The following B3GALT1 variants were observed in gnomAD, a reference collection of about 807,000 sequenced individuals.
B3GALT1 encodes the protein UDP-Gal:betaGlcNAc beta 1,3-galactosyltransferase, polypeptide 1.
A neutral mutation model predicts 23.2 loss-of-function variants in B3GALT1; 10 were observed. That is an observed-to-expected ratio of 0.43 (90% CI 0.27 to 0.73). The LOEUF (loss-of-function observed/expected upper bound fraction) is 0.73, where lower values mean the gene tolerates loss of function less well. Among genes scored for constraint, B3GALT1 ranks in the 30% least tolerant of loss-of-function variants. B3GALT1 has a pLI of 0.21. For missense variants in B3GALT1, 299 were observed against 405.4 expected, an observed-to-expected ratio of 0.74 and a Z score of 2.25; for synonymous variants, 156 against 141.5, an observed-to-expected ratio of 1.10 and a Z score of -0.73.
chr2:167,442,405 T>G (rs954478647), intron 1 of B3GALT1, among the ~76,000 whole-genome samples: 74 of 152,252 alleles, frequency 4.9e-4, no homozygotes, highest in South Asian at 1.2e-3. Flanking sequence ...GTAATGGGAT[T>G]GCTGGGTCAA....
intron 2 of B3GALT1, among the ~76,000 whole-genome samples, chr2:167,564,668 C>T (rs1684117504): frequency 6.6e-6 from 1 of 152,156 alleles, no homozygotes; most frequent in Non-Finnish European, 1.5e-5. Flanking sequence ...GGAGACCAGC[C>T]CGGCCAACAC....
At chr2:167,552,408 G>A (rs886397175) in intron 2 of B3GALT1, among the ~76,000 whole-genome samples, 1 of 152,024 alleles carries the variant, frequency 6.6e-6, no homozygotes, top group African/African-American at 2.4e-5. Flanking sequence ...ATAAACGCAA[G>A]TATTTATTTA....
At chr2:167,504,454 T>C (rs1175828365) in intron 2 of B3GALT1, among the ~76,000 whole-genome samples, 1 of 152,182 alleles carries the variant, frequency 6.6e-6, no homozygotes, top group Non-Finnish European at 1.5e-5. Flanking sequence ...ATCTGTTTTG[T>C]GATTGGGTTG....
chr2:167,522,092 ATATGGCC>A, intron 2 of B3GALT1, among the ~76,000 whole-genome samples: 1 of 150,710 alleles, frequency 6.6e-6, no homozygotes, highest in African/African-American at 2.4e-5. Context: ...GGAATTACTG[ATATGGCC>A]ATTAGACCAC....
At chr2:167,661,207 C>T (rs758557218) in intron 3 of B3GALT1, among the ~76,000 whole-genome samples, 1 of 151,986 alleles carries the variant, frequency 6.6e-6, no homozygotes, top group Non-Finnish European at 1.5e-5. Flanking sequence ...CCCTCTTATC[C>T]CTCAATTACA....
At chr2:167,814,126 A>T (rs1688944253) in intron 3 of B3GALT1, among the ~76,000 whole-genome samples, 1 of 152,210 alleles carries the variant, frequency 6.6e-6, no homozygotes, top group Non-Finnish European at 1.5e-5. Context: ...TTCAGTAATC[A>T]TTTCAGCTGG....
intron 4 of B3GALT1, among the ~76,000 whole-genome samples, chr2:167,863,985 T>C (rs942889900): frequency 7.2e-6 from 1 of 138,248 alleles, no homozygotes; most frequent in African/African-American, 2.8e-5. Flanking sequence ...TGCATGCATG[T>C]ATGTATGTGT....
chr2:167,678,106 A>G (rs1686460291), intron 3 of B3GALT1, among the ~76,000 whole-genome samples: 1 of 152,180 alleles, frequency 6.6e-6, no homozygotes. Context: ...CCAATCACCC[A>G]GGTAAATACC....
intron 1 of B3GALT1, among the ~76,000 whole-genome samples, chr2:167,329,701 T>C (rs546224889): frequency 6.6e-6 from 1 of 152,346 alleles, no homozygotes. Flanking sequence ...GCTGGTCTAG[T>C]AGGGATTAAT....
chr2:167,343,225 A>G (rs779213458), intron 1 of B3GALT1, among the ~76,000 whole-genome samples: 7 of 152,280 alleles, frequency 4.6e-5, no homozygotes, highest in Admixed American at 2.0e-4. Flanking sequence ...ATGACATTAG[A>G]TAAGTTGGGG....
chr2:167,296,354 C>G (rs765429967), intron 1 of B3GALT1, among the ~76,000 whole-genome samples: 1 of 152,112 alleles, frequency 6.6e-6, no homozygotes, highest in African/African-American at 2.4e-5. Flanking sequence ...AGGTTTATAG[C>G]GATTTGTTTT....
chr2:167,827,479 C>T (rs958055907), intron 4 of B3GALT1, among the ~76,000 whole-genome samples: 1 of 152,172 alleles, frequency 6.6e-6, no homozygotes, highest in Non-Finnish European at 1.5e-5. Context: ...AGACTGGCAC[C>T]TAGGTGAGAC....
chr2:167,651,287 CAT>C (rs1226846192), intron 3 of B3GALT1, among the ~76,000 whole-genome samples: 11 of 149,658 alleles, frequency 7.4e-5, no homozygotes, highest in South Asian at 2.1e-4. Context: ...CACGTGCACA[CAT>C]GTGTGCGTGA....
At chr2:167,787,783 A>G (rs1020943785) in intron 3 of B3GALT1, among the ~76,000 whole-genome samples, 1 of 152,180 alleles carries the variant, frequency 6.6e-6, no homozygotes, top group Non-Finnish European at 1.5e-5. Flanking sequence ...GCCTTAACCC[A>G]AAGGTCAGGA....
intron 3 of B3GALT1, among the ~76,000 whole-genome samples, chr2:167,804,979 C>T (rs1688721831): frequency 6.6e-6 from 1 of 152,202 alleles, no homozygotes; most frequent in South Asian, 2.1e-4. Context: ...CACATCCTCT[C>T]CAGCACCTGT....
intron 4 of B3GALT1, among the ~76,000 whole-genome samples, chr2:167,852,941 G>A (rs1179471978): frequency 6.6e-6 from 1 of 152,152 alleles, no homozygotes; most frequent in African/African-American, 2.4e-5. Context: ...AGTAATGAGA[G>A]TGACAAAAAT....
intron 3 of B3GALT1, among the ~76,000 whole-genome samples, chr2:167,726,368 C>T (rs960845492): frequency 2.0e-5 from 3 of 152,128 alleles, no homozygotes; most frequent in Admixed American, 6.5e-5. Context: ...GCCAGGAATC[C>T]GCCCACCTGC....
intron 2 of B3GALT1, among the ~76,000 whole-genome samples, chr2:167,548,859 C>CT (rs946917521): frequency 1.3e-5 from 2 of 152,036 alleles, no homozygotes; most frequent in African/African-American, 4.8e-5. Flanking sequence ...CTTGAGTTGT[C>CT]TTTTTTTATT....
chr2:167,836,696 A>G (rs1014531758), intron 4 of B3GALT1, among the ~76,000 whole-genome samples: 10 of 152,262 alleles, frequency 6.6e-5, no homozygotes, highest in East Asian at 1.9e-4. Context: ...GATAATCCTC[A>G]AGAAGAGCAA....
Sources: gnomAD v4.1 joint callset for allele counts (sites outside exome capture counted in the v4.1 genomes callset) on GRCh38, gnomAD v4.1.1 for gene constraint, MANE v1.5 for transcripts, NCBI Gene and HGNC (gene_info 2026-07-23, HGNC 2026-07-21) for gene names.